UBE2W: variants seen among roughly 807,000 people sequenced by gnomAD.
UBE2W encodes the protein ubiquitin conjugating enzyme E2 W, also known as ubiquitin-conjugating enzyme E2 W.
A neutral mutation model predicts 27.2 loss-of-function variants in UBE2W; 18 were observed. That is an observed-to-expected ratio of 0.66 (90% CI 0.46 to 0.98). UBE2W has a LOEUF of 0.98. Ranked by LOEUF, UBE2W falls within the 50% of genes least tolerant of loss-of-function variation. The pLI is 0.00. For missense variants in UBE2W, 90 were observed against 180.2 expected, an observed-to-expected ratio of 0.50 and a Z score of 2.87; for synonymous variants, 53 against 57.2, an observed-to-expected ratio of 0.93 and a Z score of 0.33.
Position 73,793,377 on chromosome 8 carries a change from T to C in UBE2W, c.*725A>G, listed in dbSNP as rs1439050591. 6.1e-6 allele frequency: 6 copies of C among 985,722 alleles called. No individual in the cohort carries two copies. The highest frequency in any genetic ancestry group is 7.2e-6 in the Non-Finnish European group (6 of 829,914). The allele number at this position is 985,722 out of a possible 1,614,324, so 61.1% of individuals were successfully genotyped here. A position where few individuals can be genotyped will look rare whatever the true frequency, so the allele number is the denominator to read the frequency against. ...ATTACTCATACCTTTACTTCAGAGA[T>C]TGAGGAACTATATACAACAAATTAA... On this transcript the variant is annotated 3_prime_UTR_variant, in exon 6 of 6. Coordinates refer to ENST00000602593, the MANE Select transcript of UBE2W (RefSeq NM_018299.6).
intron 3 of UBE2W, among the ~76,000 whole-genome samples, chr8:73,819,977 TTTTC>T (rs535871868): frequency 2.8e-4 from 42 of 152,344 alleles, no homozygotes; most frequent in Admixed American, 5.9e-4. Flanking sequence ...GATGAAAGAC[TTTTC>T]TTTCTTTTTT....
At chr8:73,786,057 A>AT (rs1563559479), downstream of UBE2W, among the ~76,000 whole-genome samples, 1 of 152,182 alleles carries the variant, frequency 6.6e-6, no homozygotes, top group Non-Finnish European at 1.5e-5. Context: ...AAGGCACACA[A>AT]TAATTATCTG....
chr8:73,790,229 G>C lies in UBE2W; in HGVS notation c.*3873C>G. 1 of 985,072 alleles carries C rather than the reference G, an allele frequency of 1.0e-6. No individual in the cohort carries two copies. Among genetic ancestry groups the C allele is most frequent in the South Asian group, 4.7e-5 (1 of 21,276 alleles). The allele number at this position is 985,072 out of a possible 1,614,324, so 61.0% of individuals were successfully genotyped here. On this transcript the variant is annotated 3_prime_UTR_variant, in exon 6 of 6. Transcript: ENST00000602593. ...ATTAGAAGTGAGAAAAGGAAACTGCGGAAGACTGACACATTGGACATCAGT... is the reference window on the plus strand; with the variant it reads ...ATTAGAAGTGAGAAAAGGAAACTGCCGAAGACTGACACATTGGACATCAGT...
chr8:73,870,187 C>G (rs1280624967), intron 1 of UBE2W: 1 of 1,437,156 alleles, frequency 7.0e-7, no homozygotes, highest in Non-Finnish European at 9.5e-7. Context: ...AAAAGGATGT[C>G]AAAATGGACT....
At chr8:73,875,754 A>G (rs1259792867) in intron 1 of UBE2W, among the ~76,000 whole-genome samples, 1 of 152,126 alleles carries the variant, frequency 6.6e-6, no homozygotes, top group African/African-American at 2.4e-5. Flanking sequence ...ACCTTCTAAT[A>G]TAATAACACA....
intron 3 of UBE2W, among the ~76,000 whole-genome samples, chr8:73,822,078 G>A (rs1325747141): frequency 6.6e-6 from 1 of 152,176 alleles, no homozygotes; most frequent in Non-Finnish European, 1.5e-5. Flanking sequence ...GCCCCAGACA[G>A]TCCATGACTA....
In UBE2W at chr8:73,827,220, C is replaced by CT. The variant is rs372486960; in HGVS notation, c.108-1972dup. On this transcript the variant is annotated intron_variant, in intron 2 of 5. Transcript: ENST00000602593. ...CTTTCAACATGGTGCGTGGTACTTT[C>CT]TTTTTTTTTTGGTACAGAGTTTTGC... Among the ~76,000 whole-genome samples, 183 of 149,130 alleles carry CT rather than the reference C, an allele frequency of 1.2e-3. 1 individual carries two copies. The highest frequency in any genetic ancestry group is 3.5e-3 in the Middle Eastern group (1 of 288).
chr8:73,789,491 C>CA lies in UBE2W; in HGVS notation c.*4610dup, dbSNP rs1808103900. On this transcript the variant is annotated 3_prime_UTR_variant, in exon 6 of 6. Coordinates refer to ENST00000602593, the MANE Select transcript of UBE2W (RefSeq NM_018299.6). ...AACAGAGGAAGACCGTCTCAAAAAA[C>CA]AAAAAACAACCCACACACAATTTAT... 1 of 151,724 alleles carries CA rather than the reference C, an allele frequency of 6.6e-6. No individual in the cohort carries two copies. The highest frequency in any genetic ancestry group is 1.5e-5 in the Non-Finnish European group (1 of 68,094). 9.4% of individuals were successfully genotyped at this position (151,724 alleles called of 1,614,324 possible). A position where few individuals can be genotyped will look rare whatever the true frequency, so the allele number is the denominator to read the frequency against.
At chr8:73,872,786 CA>C (rs1812052797) in intron 1 of UBE2W, among the ~76,000 whole-genome samples, 1 of 151,298 alleles carries the variant, frequency 6.6e-6, no homozygotes, top group African/African-American at 2.4e-5. Flanking sequence ...GTTTATAACA[CA>C]AGGTTACTTT....
At chr8:73,807,306 G>A (rs550420775) in intron 4 of UBE2W, among the ~76,000 whole-genome samples, 2 of 152,284 alleles carry the variant, frequency 1.3e-5, no homozygotes, top group African/African-American at 4.8e-5. Context: ...TCCTCTACCT[G>A]AGGCTAATGA....
At chr8:73,866,492 G>A (rs1436179671) in intron 1 of UBE2W, among the ~76,000 whole-genome samples, 1 of 150,700 alleles carries the variant, frequency 6.6e-6, no homozygotes, top group Admixed American at 6.6e-5. Flanking sequence ...TGGAAAACAA[G>A]CTGCCATATT....
intron 1 of UBE2W, chr8:73,870,299 G>C: frequency 1.3e-6 from 2 of 1,580,990 alleles, no homozygotes; most frequent in Non-Finnish European, 1.7e-6. Context: ...TCCTTCCTGT[G>C]GTCTGAAAAT....
chr8:73,793,443 C>T lies in UBE2W; in HGVS notation c.*659G>A. Reference sequence around the variant, plus strand: ...GGGATAACATACTGTACCTCTCTGCCAATGTTACTTGAAAATCTTCCATGT... The same window carrying T: ...GGGATAACATACTGTACCTCTCTGCTAATGTTACTTGAAAATCTTCCATGT... On this transcript the variant is annotated 3_prime_UTR_variant, in exon 6 of 6. Coordinates refer to ENST00000602593, the MANE Select transcript of UBE2W (RefSeq NM_018299.6). 1 of 985,738 alleles carries T rather than the reference C, an allele frequency of 1.0e-6. No homozygotes were observed. The highest frequency in any genetic ancestry group is 1.2e-6 in the Non-Finnish European group (1 of 829,870). The allele number at this position is 985,738 out of a possible 1,614,324, so 61.1% of individuals were successfully genotyped here.
rs528519408 is a variant in UBE2W at position 73,865,381 on chromosome 8, G to A, written c.15+13427C>T. ...TAACCCCAGCACTTTGGGAGGCTGAGGCAGGAGGACTGCTTGAGCCCAAGA... is the reference window on the plus strand; with the variant it reads ...TAACCCCAGCACTTTGGGAGGCTGAAGCAGGAGGACTGCTTGAGCCCAAGA... On this transcript the variant is annotated intron_variant, in intron 1 of 5. Transcript: ENST00000602593. 3.9e-5 allele frequency among the ~76,000 whole-genome samples: 6 copies of A among 152,222 alleles called. No homozygotes were observed. In the South Asian group the frequency reaches 1.0e-3, roughly 26 times the overall value.
At chr8:73,823,226 T>C (rs1207136715) in intron 3 of UBE2W, among the ~76,000 whole-genome samples, 1 of 152,076 alleles carries the variant, frequency 6.6e-6, no homozygotes, top group Admixed American at 6.6e-5. Flanking sequence ...AATAGGACAA[T>C]AGGGAGAATT....
At chr8:73,826,946 CCTT>C (rs1411441059) in intron 2 of UBE2W, among the ~76,000 whole-genome samples, 4 of 152,172 alleles carry the variant, frequency 2.6e-5, no homozygotes, top group African/African-American at 9.7e-5. Flanking sequence ...TATATTAGGT[CCTT>C]CTTAATCTTC....
At position 73,851,949 on chromosome 8, in the gene UBE2W, C is replaced by CT. The variant is rs1233139164; in HGVS notation, c.16-21478dup. Among the ~76,000 whole-genome samples the CT allele has an allele frequency of 3.2e-3, 369 of 114,396 alleles. 3 individuals are homozygous for CT. Among genetic ancestry groups the CT allele is most frequent in the African/African-American group, 5.8e-3 (175 of 30,068 alleles). 75.0% of individuals were successfully genotyped at this position (114,396 alleles called of 152,430 possible). A position where few individuals can be genotyped will look rare whatever the true frequency, so the allele number is the denominator to read the frequency against. On this transcript the variant is annotated intron_variant, in intron 1 of 5. Transcript: ENST00000602593. ...GGCAACACAGTAAGACCCAGTCTCT[C>CT]TTTTTTTTTTTTTTAAAAAAAAAAA...
chr8:73,795,868 G>T, intron 5 of UBE2W: 1 of 702,684 alleles, frequency 1.4e-6, no homozygotes, highest in Non-Finnish European at 1.7e-6. Flanking sequence ...GACTGCTTGG[G>T]CCCAGGAGTT....
chr8:73,797,247 A>G (rs1808460065), intron 5 of UBE2W, among the ~76,000 whole-genome samples: 1 of 152,202 alleles, frequency 6.6e-6, no homozygotes, highest in Non-Finnish European at 1.5e-5. Flanking sequence ...TTTTCCAACT[A>G]TCATGGAAAC....
Sources: gnomAD v4.1 joint callset for allele counts (sites outside exome capture counted in the v4.1 genomes callset) on GRCh38, gnomAD v4.1.1 for gene constraint, MANE v1.5 for transcripts, NCBI Gene and HGNC (gene_info 2026-07-23, HGNC 2026-07-21) for gene names.